The following MTFR1 variants were observed in gnomAD, a reference collection of about 807,000 sequenced individuals.
The protein encoded by MTFR1 is chondrocyte protein with a poly-proline region.
In MTFR1, 28 loss-of-function variants were observed where a neutral mutation model predicts 38.8. The ratio of observed to expected loss-of-function variants is 0.72; its 90% CI spans 0.53 to 0.99. The LOEUF is 0.99. Ranked by LOEUF, MTFR1 falls within the 50% of genes least tolerant of loss-of-function variation. The pLI, the probability that MTFR1 is intolerant of heterozygous loss-of-function variation, is 0.00. For missense variants in MTFR1, 358 were observed against 395.5 expected, an observed-to-expected ratio of 0.91 and a Z score of 0.81; for synonymous variants, 145 against 137.0, an observed-to-expected ratio of 1.06 and a Z score of -0.41.
chr8:65,759,591 G>C (rs1362316147), intron 3 of MTFR1, among the ~76,000 whole-genome samples: 1 of 152,226 alleles, frequency 6.6e-6, no homozygotes, highest in Non-Finnish European at 1.5e-5. Flanking sequence ...TCAGGGCCCA[G>C]AATGCTGAAA....
chr8:65,736,286 A>G (rs1024510104), intron 3 of MTFR1, among the ~76,000 whole-genome samples: 8 of 152,186 alleles, frequency 5.3e-5, no homozygotes, highest in Admixed American at 5.2e-4. Context: ...CACGCTGCTC[A>G]CAATGGTGTG....
downstream of MTFR1, among the ~76,000 whole-genome samples, chr8:65,711,613 C>CTAT (rs1277674217): frequency 3.9e-5 from 6 of 152,262 alleles, no homozygotes; most frequent in South Asian, 2.1e-4. Context: ...CCTATTGATC[C>CTAT]TATTTGTTAG....
chr8:65,709,518 C>T lies in MTFR1; in HGVS notation c.*474C>T, dbSNP rs138685134. The T allele has an allele frequency of 4.5e-4, 69 of 154,348 alleles. No individual in the cohort carries two copies. The highest frequency in any genetic ancestry group is 8.7e-4 in the Non-Finnish European group (60 of 69,272). 9.6% of individuals were successfully genotyped at this position (154,348 alleles called of 1,614,324 possible). A position where few individuals can be genotyped will look rare whatever the true frequency, so the allele number is the denominator to read the frequency against. ...GATCATTTAGCATTCAATGATGGAACAGCTGGTATAACATAAGTTGTTGGC... is the reference window on the plus strand; with the variant it reads ...GATCATTTAGCATTCAATGATGGAATAGCTGGTATAACATAAGTTGTTGGC... On this transcript the variant is annotated 3_prime_UTR_variant, in exon 8 of 8. Coordinates refer to ENST00000262146, the MANE Select transcript of MTFR1 (RefSeq NM_014637.4).
At chr8:65,744,852 A>G (rs1807599847) in intron 3 of MTFR1, among the ~76,000 whole-genome samples, 1 of 152,264 alleles carries the variant, frequency 6.6e-6, no homozygotes, top group South Asian at 2.1e-4. Context: ...ACAATAATCA[A>G]AACATAAAAT....
At chr8:65,691,514 C>T (rs1433841603) in intron 3 of MTFR1, among the ~76,000 whole-genome samples, 9 of 152,166 alleles carry the variant, frequency 5.9e-5, no homozygotes, top group Non-Finnish European at 1.3e-4. Context: ...TCGTCTCAAG[C>T]TCCTGGGGCC....
chr8:65,662,972 C>A (rs1479948742), intron 1 of MTFR1, among the ~76,000 whole-genome samples: 8 of 151,822 alleles, frequency 5.3e-5, no homozygotes, highest in East Asian at 1.9e-4. Flanking sequence ...TCTGCCCGGC[C>A]GCCCCTACTG....
intron 1 of MTFR1, among the ~76,000 whole-genome samples, chr8:65,647,700 C>T (rs371249548): frequency 1.1e-4 from 17 of 152,086 alleles, no homozygotes; most frequent in East Asian, 5.8e-4. Context: ...TGAGTTTTTA[C>T]TGTATCACTG....
chr8:65,695,511 G>T (rs1563452996), intron 4 of MTFR1, among the ~76,000 whole-genome samples: 1 of 152,026 alleles, frequency 6.6e-6, no homozygotes. Flanking sequence ...TGGCTGCCAT[G>T]ATGCCCAGCT....
At chr8:65,674,806 T>G (rs986899312) in intron 2 of MTFR1, among the ~76,000 whole-genome samples, 2 of 152,124 alleles carry the variant, frequency 1.3e-5, no homozygotes, top group Non-Finnish European at 2.9e-5. Context: ...TTACATAAAT[T>G]GCCTATATTC....
At chr8:65,765,531 G>T (rs1404309500) in intron 3 of MTFR1, 1 of 131,294 alleles carries the variant, frequency 7.6e-6, no homozygotes, top group Non-Finnish European at 1.6e-5. Flanking sequence ...GATAATGGGC[G>T]AAACATGCTT....
chr8:65,733,166 C>T (rs1172008054), intron 3 of MTFR1, among the ~76,000 whole-genome samples: 1 of 152,180 alleles, frequency 6.6e-6, no homozygotes, highest in Non-Finnish European at 1.5e-5. Context: ...ATTATCAGAA[C>T]TCCACAGGCA....
chr8:65,778,385 A>G, the MTFR1 span, among the ~76,000 whole-genome samples: 1 of 152,188 alleles, frequency 6.6e-6, no homozygotes, highest in Non-Finnish European at 1.5e-5. Context: ...GCCATCTTGG[A>G]GGTTCCAGCC....
intron 2 of MTFR1, among the ~76,000 whole-genome samples, chr8:65,678,386 G>C (rs1323016958): frequency 6.6e-6 from 1 of 152,094 alleles, no homozygotes; most frequent in African/African-American, 2.4e-5. Flanking sequence ...ATCCAATAAA[G>C]GTTATGGCTC....
intron 4 of MTFR1, 82 bp from the exon 5 acceptor site, chr8:65,704,612 T>C (rs1160009048): frequency 1.8e-6 from 2 of 1,130,978 alleles, no homozygotes; most frequent in Admixed American, 2.0e-5. Context: ...TGGGTGTTAA[T>C]GCGGATACAC....
chr8:65,718,065 G>A (rs535663450), intron 2 of MTFR1: 10 of 152,182 alleles, frequency 6.6e-5, no homozygotes, highest in Non-Finnish European at 1.0e-4. Flanking sequence ...AGAAAACAAT[G>A]CACTTTTTTC....
chr8:65,706,209 T>C (rs1029743330), intron 5 of MTFR1, among the ~76,000 whole-genome samples: 1 of 152,184 alleles, frequency 6.6e-6, no homozygotes, highest in Non-Finnish European at 1.5e-5. Context: ...CTTAAATTGA[T>C]TTTTCCTTTT....
chr8:65,708,284 A>G (rs921228094), intron 7 of MTFR1: 1 of 539,694 alleles, frequency 1.9e-6, no homozygotes. Flanking sequence ...AAGAAAGCCA[A>G]AGTTAACCCC....
At chr8:65,666,039 A>G (rs2129050239) in intron 1 of MTFR1, among the ~76,000 whole-genome samples, 1 of 152,338 alleles carries the variant, frequency 6.6e-6, no homozygotes, top group Non-Finnish European at 1.5e-5. Context: ...TCATACTTCA[A>G]TATTTTATGT....
At chr8:65,765,676 G>T (rs189693681) in intron 3 of MTFR1, 1 of 152,108 alleles carries the variant, frequency 6.6e-6, no homozygotes, top group African/African-American at 2.4e-5. Flanking sequence ...AGAGAGACCA[G>T]GCCCTCCAGT....
Sources: gnomAD v4.1 joint callset for allele counts (sites outside exome capture counted in the v4.1 genomes callset) on GRCh38, gnomAD v4.1.1 for gene constraint, MANE v1.5 for transcripts, NCBI Gene and HGNC (gene_info 2026-07-23, HGNC 2026-07-21) for gene names.